CAB39L: variants seen among roughly 807,000 people sequenced by gnomAD.
CAB39L encodes the protein calcium binding protein 39 like.
In CAB39L, 23 loss-of-function variants were observed where a neutral mutation model predicts 39.1. The ratio of observed to expected loss-of-function variants is 0.59; its 90% CI spans 0.42 to 0.83. CAB39L has a LOEUF of 0.83. Ranked by LOEUF, CAB39L falls within the 40% of genes least tolerant of loss-of-function variation. The pLI is 0.00. For synonymous variants in CAB39L, 126 were observed against 137.2 expected, an observed-to-expected ratio of 0.92 and a Z score of 0.57; for missense variants, 366 against 391.9, an observed-to-expected ratio of 0.93 and a Z score of 0.56.
intron 5 of CAB39L, among the ~76,000 whole-genome samples, chr13:49,360,302 C>T (rs1282033311): frequency 1.3e-5 from 2 of 152,138 alleles, no homozygotes; most frequent in African/African-American, 2.4e-5. Flanking sequence ...TTTGCTTTCA[C>T]GTTATCACTT....
chr13:49,359,598 A>G, intron 6 of CAB39L, 116 bp downstream of exon 6: 1 of 584,440 alleles, frequency 1.7e-6, no homozygotes, highest in Non-Finnish European at 3.0e-6. Flanking sequence ...CACATGACAA[A>G]TACCTTTACT....
intron 3 of CAB39L, among the ~76,000 whole-genome samples, chr13:49,397,673 G>A: frequency 6.6e-6 from 1 of 151,938 alleles, no homozygotes; most frequent in Non-Finnish European, 1.5e-5. Flanking sequence ...GACAGCTCCA[G>A]TCATTTGTCA....
intron 7 of CAB39L, 32 bp from the exon 8 acceptor site, chr13:49,344,270 T>G (rs777552605): frequency 3.2e-6 from 4 of 1,234,996 alleles, no homozygotes; most frequent in African/African-American, 1.5e-5. Flanking sequence ...GAAACAAAAC[T>G]GTTATAGCTA....
At chr13:49,353,419 T>C (rs1278859460) in intron 6 of CAB39L, among the ~76,000 whole-genome samples, 4 of 152,208 alleles carry the variant, frequency 2.6e-5, no homozygotes, top group Non-Finnish European at 4.4e-5. Context: ...TCCAGACTTA[T>C]TGATCAGCAA....
At chr13:49,324,685 G>A (rs781202099) in intron 10 of CAB39L, among the ~76,000 whole-genome samples, 3 of 152,168 alleles carry the variant, frequency 2.0e-5, no homozygotes, top group Non-Finnish European at 2.9e-5. Flanking sequence ...CCAATGAAAC[G>A]GACACCACAT....
chr13:49,441,226 T>TATATATATATATATATATATA (rs1282371923), intron 1 of CAB39L, among the ~76,000 whole-genome samples: 4 of 112,794 alleles, frequency 3.5e-5, no homozygotes, highest in African/African-American at 1.4e-4. Context: ...TTAGTGTATA[T>TATATATATATATATATATATA]ATATATATAT....
intron 3 of CAB39L, chr13:49,413,928 T>C (rs1225760181): frequency 1.3e-5 from 2 of 151,982 alleles, no homozygotes; most frequent in East Asian, 1.9e-4. Flanking sequence ...CTCTATCTCT[T>C]CTAGTTCCAA....
rs924361896 is a variant in CAB39L, at chr13:49,339,812, T to G, written c.625-70A>C. Reference sequence around the variant, plus strand: ...ATTCTCCGTATTAGGCTGGCTTGCTTTCTTTTTCAGGAGCAAATTCCCAAC... The same window carrying G: ...ATTCTCCGTATTAGGCTGGCTTGCTGTCTTTTTCAGGAGCAAATTCCCAAC... On this transcript the variant is annotated intron_variant, in intron 8 of 10. Transcript: ENST00000409308. 4.4e-6 allele frequency: 6 copies of G among 1,364,506 alleles called. No homozygotes were observed. The African/African-American group carries it at 9.0e-5, about 20-fold the overall frequency. The allele number at this position is 1,364,506 out of a possible 1,614,324, so 84.5% of individuals were successfully genotyped here.
chr13:49,341,803 G>A (rs779711680), intron 8 of CAB39L, among the ~76,000 whole-genome samples: 12 of 152,032 alleles, frequency 7.9e-5, no homozygotes, highest in Non-Finnish European at 1.5e-4. Flanking sequence ...TGATGTGATC[G>A]TTACAAATTG....
rs60549375 is a variant in CAB39L at position 49,364,520 on chromosome 13, T to C, written c.277-4688A>G. Among the ~76,000 whole-genome samples, 561 of 152,262 alleles carry C rather than the reference T, an allele frequency of 3.7e-3. 2 individuals are homozygous for C. Among genetic ancestry groups the C allele is most frequent in the African/African-American group, 0.013 (528 of 41,552 alleles). ...TCAAATTATCCTTGTTTGCAGATGA[T>C]AAAACCTTATATTTGGAAAAAACTA... On this transcript the variant is annotated intron_variant, in intron 5 of 10. Coordinates refer to ENST00000409308, the MANE Select transcript of CAB39L (RefSeq NM_001079670.3).
rs138731214 is a variant in CAB39L at position 49,402,805 on chromosome 13, A to C, written c.-31-19864T>G. 1.3e-4 allele frequency among the ~76,000 whole-genome samples: 20 copies of C among 152,274 alleles called. No individual in the cohort carries two copies. In the East Asian group the frequency reaches 3.9e-3, roughly 29 times the overall value. ...TACAGTTATTTGGTTATTTCTTAGCACCTATTAAATAGGTATCAAAGACGA... is the reference window on the plus strand; with the variant it reads ...TACAGTTATTTGGTTATTTCTTAGCCCCTATTAAATAGGTATCAAAGACGA... On this transcript the variant is annotated intron_variant, in intron 3 of 10. Transcript: ENST00000409308.
intron 6 of CAB39L, among the ~76,000 whole-genome samples, chr13:49,355,709 T>A (rs1470651640): frequency 6.6e-6 from 1 of 151,582 alleles, no homozygotes; most frequent in Non-Finnish European, 1.5e-5. Flanking sequence ...ATAGAAAACA[T>A]TAAATCCATT....
intron 6 of CAB39L, among the ~76,000 whole-genome samples, chr13:49,351,706 C>CG (rs971371960): frequency 2.3e-4 from 35 of 152,242 alleles, no homozygotes; most frequent in African/African-American, 8.4e-4. Flanking sequence ...GGAGAGGGAA[C>CG]GGGGGCTTGG....
intron 10 of CAB39L, among the ~76,000 whole-genome samples, chr13:49,323,669 A>G (rs1163788968): frequency 6.6e-6 from 1 of 152,226 alleles, no homozygotes; most frequent in Non-Finnish European, 1.5e-5. Flanking sequence ...TATATTCACA[A>G]GTCAGAATAG....
chr13:49,432,191 G>T (rs180934381), intron 3 of CAB39L, among the ~76,000 whole-genome samples: 2 of 152,096 alleles, frequency 1.3e-5, no homozygotes, highest in East Asian at 3.9e-4. Context: ...CTCTTGATCT[G>T]TTGCCCAGGC....
intron 7 of CAB39L, among the ~76,000 whole-genome samples, chr13:49,348,222 G>A (rs1955237661): frequency 6.6e-6 from 1 of 152,080 alleles, no homozygotes. Context: ...GATGTCTCGG[G>A]CAATTCAGTG....
intron 7 of CAB39L, among the ~76,000 whole-genome samples, chr13:49,347,109 T>C (rs763864822): frequency 5.3e-5 from 8 of 151,170 alleles, no homozygotes; most frequent in Non-Finnish European, 8.8e-5. Flanking sequence ...AAAAAAAAAG[T>C]GATTTATGGT....
At chr13:49,439,304 A>G (rs1225712861) in intron 1 of CAB39L, among the ~76,000 whole-genome samples, 5 of 152,120 alleles carry the variant, frequency 3.3e-5, no homozygotes, top group Non-Finnish European at 5.9e-5. Flanking sequence ...TATAATTTCA[A>G]GTTCTCTTTT....
chr13:49,403,771 GCAA>G (rs1403025483), intron 3 of CAB39L, among the ~76,000 whole-genome samples: 2 of 151,778 alleles, frequency 1.3e-5, no homozygotes, highest in African/African-American at 4.8e-5. Flanking sequence ...TTAAACAACA[GCAA>G]CAACAACAAA....
Sources: allele counts gnomAD v4.1 joint callset (sites outside exome capture counted in the v4.1 genomes callset), GRCh38; gene constraint gnomAD v4.1.1; transcripts MANE v1.5; gene names NCBI Gene and HGNC (gene_info 2026-07-23, HGNC 2026-07-21).